The following AKAP9 variants were observed in gnomAD, a reference collection of about 807,000 sequenced individuals.
AKAP9 encodes A-kinase anchor protein 9.
AKAP9 carries 311 observed loss-of-function variants against 488.5 expected under a neutral mutation model. That is an observed-to-expected ratio of 0.64 (90% CI 0.58 to 0.70). AKAP9 has a LOEUF of 0.70. AKAP9 is among the 30% of genes least tolerant of loss of function. AKAP9 has a pLI of 0.00. For missense variants in AKAP9, 4,215 were observed against 4,374.5 expected (o/e 0.96, Z 1.03); for synonymous variants, 1,462 against 1,483.5 (o/e 0.99, Z 0.33).
At chr7:91,988,796 TG>T (rs1302192822) in intron 3 of AKAP9, among the ~76,000 whole-genome samples, 2 of 152,282 alleles carry the variant, frequency 1.3e-5, no homozygotes, top group South Asian at 2.1e-4. Context: ...AAATACAGTT[TG>T]TTTTTTTATT....
At chr7:92,061,791 A>G (rs1291000134) in intron 23 of AKAP9, among the ~76,000 whole-genome samples, 1 of 151,786 alleles carries the variant, frequency 6.6e-6, no homozygotes, top group Admixed American at 6.6e-5. Context: ...GGGCACAAAT[A>G]CCATTACATA....
chr7:91,986,615 A>C (rs2130614510), intron 3 of AKAP9, among the ~76,000 whole-genome samples: 1 of 152,338 alleles, frequency 6.6e-6, no homozygotes, highest in East Asian at 1.9e-4. Flanking sequence ...TTTCTGTAGG[A>C]AAATGTTAAT....
intron 44 of AKAP9, 74 bp from the exon 45 acceptor site, chr7:92,100,782 G>A: frequency 6.4e-7 from 1 of 1,553,968 alleles, no homozygotes; most frequent in African/African-American, 1.4e-5. Flanking sequence ...GCATCATCAT[G>A]CAGATATCTT....
chr7:92,020,412 A>G (rs1802152942), intron 12 of AKAP9, among the ~76,000 whole-genome samples: 1 of 151,900 alleles, frequency 6.6e-6, no homozygotes, highest in South Asian at 2.1e-4. Flanking sequence ...CCTCTGTGTC[A>G]TCTTCTTTAC....
intron 30 of AKAP9, among the ~76,000 whole-genome samples, chr7:92,078,261 G>A (rs886306113): frequency 1.8e-4 from 27 of 152,050 alleles, no homozygotes; most frequent in African/African-American, 6.5e-4. Flanking sequence ...GCCTCCCAAA[G>A]TGCTGGTATT....
chr7:92,071,115 G>C, intron 28 of AKAP9, 106 bp downstream of exon 28: 1 of 1,067,548 alleles, frequency 9.4e-7, no homozygotes, highest in Non-Finnish European at 1.4e-6. Flanking sequence ...TAAAACCAAA[G>C]TTGAGGCTGT....
chr7:92,109,003 G>C, intron 49 of AKAP9: 1 of 359,036 alleles, frequency 2.8e-6, no homozygotes, highest in Non-Finnish European at 5.3e-6. Flanking sequence ...GTAAGGCCGT[G>C]CCGCAGCACT....
chr7:92,012,633 C>T lies in AKAP9; in HGVS notation c.3523C>T (p.Gln1175Ter), dbSNP rs1444494887. 6.2e-7 allele frequency: 1 copy of T among 1,608,078 alleles called. No homozygotes were observed. The highest frequency in any genetic ancestry group is 1.3e-5 in the African/African-American group (1 of 74,770). Residue 1175 changes from glutamine to a stop codon, truncating the protein, a stop_gained, in exon 9 of 50, where the codon CAA becomes TAA. Coordinates refer to ENST00000356239, the MANE Select transcript of AKAP9 (RefSeq NM_005751.5). LOFTEE classifies it high-confidence loss of function. ...GTTAGAACTACAGACTATGAAAACA[C>T]AAGAAACAGGTAAAATGGTTTCTGA... ...HQLELQTMKT[Q>*]ETGDEGKPLH...
In AKAP9 at chr7:92,085,589, T is replaced by C. The variant is rs776938362; in HGVS notation, c.8927T>C (p.Val2976Ala). The C allele has an allele frequency of 1.2e-6, 2 of 1,613,808 alleles. No individual in the cohort carries two copies. Among genetic ancestry groups the C allele is most frequent in the Admixed American group, 1.7e-5 (1 of 59,990 alleles). Residue 2976 changes from valine to alanine, a missense_variant, in exon 36 of 50, where the codon GTT becomes GCT. By Grantham distance (64) the Val-to-Ala change is moderately conservative (BLOSUM62 0). Transcript: ENST00000356239. ...SDGEDHSIQQ[V>A]SEPWLEERKA... is the part of the protein sequence containing the mutation. ...GGAGAGGACCATTCTATTCAGCAGGTTTCAGAACCTTGGCTAGAAGAGAGA... is the reference window on the plus strand; with the variant it reads ...GGAGAGGACCATTCTATTCAGCAGGCTTCAGAACCTTGGCTAGAAGAGAGA...
intron 1 of AKAP9, among the ~76,000 whole-genome samples, chr7:91,964,162 T>C (rs1794124725): frequency 6.6e-6 from 1 of 152,344 alleles, no homozygotes; most frequent in South Asian, 2.1e-4. Context: ...TTCTCAGTTA[T>C]ATTCTTCCAG....
Position 92,070,972 on chromosome 7 carries a change from A to G in AKAP9, c.6575A>G (p.Gln2192Arg), listed in dbSNP as rs764830335. 5 of 1,614,050 alleles carry G rather than the reference A, an allele frequency of 3.1e-6. No individual in the cohort carries two copies. Among genetic ancestry groups the G allele is most frequent in the Non-Finnish European group, 3.4e-6 (4 of 1,179,920 alleles). The change falls in exon 28 of 50, where the codon CAG becomes CGG. Residue 2192 changes from glutamine to arginine, a missense_variant. Around this residue, in one of 5 missense-constraint regions of AKAP9, gnomAD observed 51 missense variants for 87.3 expected, o/e 0.58. Coordinates refer to ENST00000356239, the MANE Select transcript of AKAP9 (RefSeq NM_005751.5). Reference sequence around the variant, plus strand: ...GAATTGTCCCTAGAAGTACAATTGCAGGCTGAACGAGATGCCATAGACAGA... The same window carrying G: ...GAATTGTCCCTAGAAGTACAATTGCGGGCTGAACGAGATGCCATAGACAGA... ...KPELSLEVQL[Q>R]AERDAIDRKE...
chr7:91,947,276 T>C (rs1791568983), intron 1 of AKAP9, among the ~76,000 whole-genome samples: 1 of 152,094 alleles, frequency 6.6e-6, no homozygotes, highest in South Asian at 2.1e-4. Flanking sequence ...GAGACATTTA[T>C]GTGTTCATTT....
At chr7:92,016,392 C>A in intron 11 of AKAP9, 125 bp downstream of exon 11, 1 of 682,212 alleles carries the variant, frequency 1.5e-6, no homozygotes, top group Admixed American at 3.0e-5. Context: ...ACATTTTATC[C>A]TCCTTTCAGA....
At chr7:91,970,956 G>A (rs141988270) in intron 1 of AKAP9, among the ~76,000 whole-genome samples, 1 of 151,894 alleles carries the variant, frequency 6.6e-6, no homozygotes, top group East Asian at 1.9e-4. Flanking sequence ...ATTAAAGTTA[G>A]GCATTATATT....
Position 92,012,635 on chromosome 7 carries a change from A to T in AKAP9, c.3525A>T (p.Gln1175His). The change falls in exon 9 of 50, where the codon CAA becomes CAT. Residue 1175 changes from glutamine (Q) to histidine (H), a missense_variant. Gln to His is a conservative substitution (Grantham distance 24). Coordinates refer to ENST00000356239, the MANE Select transcript of AKAP9 (RefSeq NM_005751.5). ...TAGAACTACAGACTATGAAAACACAAGAAACAGGTAAAATGGTTTCTGACT... is the reference window on the plus strand; with the variant it reads ...TAGAACTACAGACTATGAAAACACATGAAACAGGTAAAATGGTTTCTGACT... Reference protein sequence around the residue: ...HQLELQTMKTQETGDEGKPLH... With the variant: ...HQLELQTMKTHETGDEGKPLH... 2 of 1,606,444 alleles carry T rather than the reference A, an allele frequency of 1.2e-6. No homozygotes were observed. The highest frequency in any genetic ancestry group is 1.7e-6 in the Non-Finnish European group (2 of 1,173,532).
intron 8 of AKAP9, among the ~76,000 whole-genome samples, chr7:92,003,682 G>A (rs997260093): frequency 6.6e-6 from 1 of 151,700 alleles, no homozygotes; most frequent in Non-Finnish European, 1.5e-5. Context: ...TAGTTGTTAG[G>A]TGGTTATGAA....
At chr7:91,985,671 G>A (rs555768552) in intron 3 of AKAP9, among the ~76,000 whole-genome samples, 6 of 151,908 alleles carry the variant, frequency 3.9e-5, no homozygotes, top group South Asian at 2.1e-4. Context: ...TTTCTGTGGC[G>A]GAGTCTCACT....
intron 46 of AKAP9, among the ~76,000 whole-genome samples, chr7:92,104,779 T>C (rs1230013532): frequency 6.6e-6 from 1 of 152,190 alleles, no homozygotes; most frequent in Non-Finnish European, 1.5e-5. Flanking sequence ...ATTTCCTTCA[T>C]CACCTTGTAT....
chr7:91,949,435 G>A (rs748593781), intron 1 of AKAP9, among the ~76,000 whole-genome samples: 1 of 152,080 alleles, frequency 6.6e-6, no homozygotes, highest in Non-Finnish European at 1.5e-5. Flanking sequence ...GCATGCAGTT[G>A]GTTAAAGGGG....
Sources: gnomAD v4.1 joint callset for allele counts (sites outside exome capture counted in the v4.1 genomes callset) on GRCh38, gnomAD v4.1.1 for gene constraint, gnomAD v4.1.1 regional missense constraint, MANE v1.5 for transcripts, NCBI Gene and HGNC (gene_info 2026-07-23, HGNC 2026-07-21) for gene names.